Variants in ETFA observed in about 807,000 individuals in gnomAD.
ETFA encodes the protein electron transfer flavoprotein subunit alpha, mitochondrial.
ETFA carries 22 observed loss-of-function variants against 46.2 expected under a neutral mutation model. The observed-to-expected ratio is 0.48, with a 90% CI of 0.34 to 0.68. The LOEUF (loss-of-function observed/expected upper bound fraction) is 0.68, where lower values mean the gene tolerates loss of function less well. Among genes scored for constraint, ETFA ranks in the 30% least tolerant of loss-of-function variants. The probability of loss-of-function intolerance (pLI) is 0.01; values close to 1 mark genes in which losing one functional copy is unlikely to be tolerated. For synonymous variants in ETFA, 131 were observed against 139.9 expected (o/e 0.94, Z 0.45); for missense variants, 345 against 401.1 (o/e 0.86, Z 1.19).
chr15:76,285,926 C>T (rs1365703001), intron 6 of ETFA, among the ~76,000 whole-genome samples, 188 bp from the exon 7 acceptor site: 1 of 152,184 alleles, frequency 6.6e-6, no homozygotes, highest in African/African-American at 2.4e-5. Context: ...CCAGCCTTTG[C>T]CACATTAGCT....
intron 8 of ETFA, among the ~76,000 whole-genome samples, chr15:76,280,519 T>C (rs2039637158): frequency 6.6e-6 from 1 of 152,016 alleles, no homozygotes; most frequent in African/African-American, 2.4e-5. Context: ...TGATATAGCC[T>C]GCTAATTGAT....
intron 9 of ETFA, among the ~76,000 whole-genome samples, chr15:76,236,178 TCATGTA>T (rs2039120250): frequency 1.3e-5 from 2 of 152,332 alleles, no homozygotes; most frequent in South Asian, 2.1e-4. Context: ...TTCCAGAATT[TCATGTA>T]GAAGCTAAGG....
In ETFA at chr15:76,283,788, T is replaced by C. The variant is rs775620228; in HGVS notation, c.702A>G (p.Leu234=). 1.0e-4 allele frequency: 162 copies of C among 1,612,250 alleles called. 4 individuals are homozygous for C. The South Asian group carries it at 1.7e-3, about 17-fold the overall frequency. Residue 234 remains leucine, a synonymous_variant, in exon 8 of 12, where the codon TTA becomes TTG. Transcript: ENST00000557943. Reference sequence around the variant, plus strand: ...CATGTAGTTGATCTGCCAAGTCATATAACAACTTAAAGTTCTCTCCACTCT... The same window carrying C: ...CATGTAGTTGATCTGCCAAGTCATACAACAACTTAAAGTTCTCTCCACTCT... ...GLKSGENFKL[L]YDLADQLHAA... is the part of the protein sequence containing the mutation.
chr15:76,304,536 T>C (rs1596228748), intron 1 of ETFA, among the ~76,000 whole-genome samples: 1 of 151,996 alleles, frequency 6.6e-6, no homozygotes, highest in South Asian at 2.1e-4. Context: ...TGGTGGCGCA[T>C]TCCCGTAGCC....
In ETFA at chr15:76,286,407, C is replaced by A. The variant is rs2039705106; in HGVS notation, c.526G>T (p.Ala176Ser). The A allele has an allele frequency of 6.2e-7, 1 of 1,613,416 alleles. No individual in the cohort carries two copies. Among genetic ancestry groups the A allele is most frequent in the South Asian group, 1.1e-5 (1 of 91,038 alleles). Residue 176 changes from alanine (A) to serine (S), a missense_variant, in exon 6 of 12, where the codon GCA becomes TCA. Transcript: ENST00000557943. ...FSVRGTSFDA[A>S]ATSGGSASSE... Reference sequence around the variant, plus strand: ...CTGGCACTACCGCCACTTGTTGCTGCAGCATCAAAGGATGTTCCACGGACA... The same window carrying A: ...CTGGCACTACCGCCACTTGTTGCTGAAGCATCAAAGGATGTTCCACGGACA...
chr15:76,301,107 T>G (rs1744953501), intron 1 of ETFA, among the ~76,000 whole-genome samples: 2 of 152,328 alleles, frequency 1.3e-5, no homozygotes, highest in Middle Eastern at 6.8e-3. Flanking sequence ...TTGTGAGGGT[T>G]AAATTAATAA....
intron 9 of ETFA, among the ~76,000 whole-genome samples, chr15:76,233,325 C>CTTTTTTTTTTTTTTT (rs66595585): frequency 1.2e-5 from 1 of 84,472 alleles, no homozygotes; most frequent in African/African-American, 4.6e-5. Flanking sequence ...ATTCAATAGG[C>CTTTTTTTTTTTTTTT]TTTTTTTTTT....
intron 1 of ETFA, among the ~76,000 whole-genome samples, chr15:76,298,191 C>T (rs2039845526): frequency 6.6e-6 from 1 of 152,044 alleles, no homozygotes; most frequent in African/African-American, 2.4e-5. Context: ...TACAGGCATG[C>T]ATTACCACGC....
chr15:76,261,446 G>A (rs1412530259), intron 9 of ETFA: 5 of 954,170 alleles, frequency 5.2e-6, no homozygotes, highest in South Asian at 4.5e-5. Flanking sequence ...AACCAGTTCT[G>A]GACCACAGAC....
chr15:76,259,990 T>C (rs2039389040), intron 9 of ETFA: 1 of 1,457,136 alleles, frequency 6.9e-7, no homozygotes, highest in African/African-American at 1.4e-5. Context: ...GTCAAACTCC[T>C]TCATGCAAGC....
Position 76,225,908 on chromosome 15 carries a change from C to CT in ETFA, c.903dup (p.Asp302ArgfsTer20). 6.2e-7 allele frequency: 1 copy of CT among 1,609,428 alleles called. No individual in the cohort carries two copies. The highest frequency in any genetic ancestry group is 8.5e-7 in the Non-Finnish European group (1 of 1,175,848). On this transcript the variant is annotated frameshift_variant, in exon 11 of 12. Coordinates refer to ENST00000557943, the MANE Select transcript of ETFA (RefSeq NM_000126.4). LOFTEE classifies it high-confidence loss of function. ...ACTTGGAAAATTGGAGCTTCTGGGTCTTTATTAATTGCCACAATTGTCTGT... is the reference window on the plus strand; with the variant it reads ...ACTTGGAAAATTGGAGCTTCTGGGTCTTTTATTAATTGCCACAATTGTCTGT...
intron 9 of ETFA, among the ~76,000 whole-genome samples, chr15:76,267,547 A>G (rs138350708): frequency 6.6e-6 from 1 of 152,174 alleles, no homozygotes; most frequent in East Asian, 1.9e-4. Flanking sequence ...AGCAGCCATT[A>G]CTGTTTTTAC....
chr15:76,299,397 T>A (rs1567220493), intron 1 of ETFA, among the ~76,000 whole-genome samples: 1 of 152,120 alleles, frequency 6.6e-6, no homozygotes, highest in Non-Finnish European at 1.5e-5. Flanking sequence ...GTTCCTCCCA[T>A]CTCAGCCTCC....
chr15:76,309,246 G>C (rs367561862), intron 1 of ETFA, among the ~76,000 whole-genome samples: 9 of 152,132 alleles, frequency 5.9e-5, no homozygotes, highest in African/African-American at 1.9e-4. Flanking sequence ...TCAGGAGATC[G>C]AGACCATACC....
intron 1 of ETFA, among the ~76,000 whole-genome samples, chr15:76,304,502 A>G (rs1440688133): frequency 1.3e-5 from 2 of 152,124 alleles, no homozygotes; most frequent in African/African-American, 4.8e-5. Flanking sequence ...TATGAAAGAT[A>G]AAAATTAAAA....
chr15:76,261,384 C>T (rs975164420), intron 9 of ETFA: 49 of 1,315,298 alleles, frequency 3.7e-5, no homozygotes, highest in Non-Finnish European at 5.3e-5. Flanking sequence ...CAGAGCGCTC[C>T]ACTGACTTCA....
At chr15:76,310,472 T>C (rs1466224110) in intron 1 of ETFA, among the ~76,000 whole-genome samples, 1 of 150,896 alleles carries the variant, frequency 6.6e-6, no homozygotes, top group East Asian at 1.9e-4. Context: ...AAATGTAAAC[T>C]AGGAAAACTA....
At chr15:76,299,485 G>T (rs1220514350) in intron 1 of ETFA, among the ~76,000 whole-genome samples, 1 of 152,010 alleles carries the variant, frequency 6.6e-6, no homozygotes, top group East Asian at 1.9e-4. Flanking sequence ...GTCTTGCTGT[G>T]TTGCCTGGGC....
chr15:76,276,057 T>A (rs35771066), intron 8 of ETFA, among the ~76,000 whole-genome samples: 23,393 of 152,118 alleles, frequency 0.15, 2,324 homozygotes, highest in Middle Eastern at 0.32. Flanking sequence ...TTCAATGCTC[T>A]CACTTGCTTT....
Sources: allele counts gnomAD v4.1 joint callset (sites outside exome capture counted in the v4.1 genomes callset), GRCh38; gene constraint gnomAD v4.1.1; transcripts MANE v1.5; gene names NCBI Gene and HGNC (gene_info 2026-07-23, HGNC 2026-07-21).